SMOX: variants seen among roughly 807,000 people sequenced by gnomAD.
SMOX encodes the protein spermine oxidase, also known as flavin containing amine oxidase.
Under a neutral mutation model 51.0 loss-of-function variants are expected in SMOX, and 22 were observed. The observed-to-expected ratio is 0.43, with a 90% CI of 0.31 to 0.62. The LOEUF is 0.62. Among genes scored for constraint, SMOX ranks in the 20% least tolerant of loss-of-function variants. The probability of loss-of-function intolerance (pLI) is 0.10; values close to 1 mark genes in which losing one functional copy is unlikely to be tolerated. For synonymous variants in SMOX, 282 were observed against 307.8 expected, an observed-to-expected ratio of 0.92 and a Z score of 0.88; for missense variants, 566 against 777.7, an observed-to-expected ratio of 0.73 and a Z score of 3.24.
intron 1 of SMOX, among the ~76,000 whole-genome samples, chr20:4,152,602 A>C (rs1228337005): frequency 6.6e-6 from 1 of 152,060 alleles, no homozygotes; most frequent in South Asian, 2.1e-4. Context: ...TGGCATGCCT[A>C]GGAAAGACCT....
chr20:4,183,764 A>T lies in SMOX; in HGVS notation c.1530+110A>T. 7.8e-7 allele frequency: 1 copy of T among 1,283,506 alleles called. No individual in the cohort carries two copies. The highest frequency in any genetic ancestry group is 1.0e-6 in the Non-Finnish European group (1 of 975,310). 79.5% of individuals were successfully genotyped at this position (1,283,506 alleles called of 1,614,324 possible). A position where few individuals can be genotyped will look rare whatever the true frequency, so the allele number is the denominator to read the frequency against. On this transcript the variant is annotated intron_variant, in intron 6 of 6. Coordinates refer to ENST00000305958, the MANE Select transcript of SMOX (RefSeq NM_175839.3). The surrounding 1 kb of genome is among the most constrained non-coding windows in gnomAD (Gnocchi z 4.3). ...GTGTTCACTAAGGGGTGCTCAGGTG[A>T]GGCAGGGATGGAGTAGCTTCTGTAA... is the stretch of plus-strand genomic sequence containing the variant.
chr20:4,181,733 G>T lies in SMOX; in HGVS notation c.436-70G>T, dbSNP rs1447445302. 3 of 1,562,248 alleles carry T rather than the reference G, an allele frequency of 1.9e-6. No homozygotes were observed. Among genetic ancestry groups the T allele is most frequent in the African/African-American group, 1.4e-5 (1 of 73,868 alleles). On this transcript the variant is annotated intron_variant, in intron 3 of 6. Coordinates refer to ENST00000305958, the MANE Select transcript of SMOX (RefSeq NM_175839.3). The surrounding 1 kb of genome is among the most constrained non-coding windows in gnomAD (Gnocchi z 5.6). The stretch of plus-strand genomic sequence containing the variant: ...GGACACCTGGGAACTGGTGGGTTTG[G>T]GTTGGGGGCCTTCTGTTTGAGATGG...
intron 1 of SMOX, among the ~76,000 whole-genome samples, chr20:4,154,720 C>T (rs972862644): frequency 4.6e-5 from 7 of 152,096 alleles, no homozygotes; most frequent in Non-Finnish European, 1.0e-4. Context: ...CCATGGAGCA[C>T]GCTTTGTATA....
At chr20:4,159,321 AG>A (rs1211733184) in intron 1 of SMOX, among the ~76,000 whole-genome samples, 1 of 152,190 alleles carries the variant, frequency 6.6e-6, no homozygotes, top group Non-Finnish European at 1.5e-5. Flanking sequence ...TATGTTGGCC[AG>A]GCTGGTCTCA....
At chr20:4,178,466 T>C (rs756177987) in intron 3 of SMOX, among the ~76,000 whole-genome samples, 5 of 152,220 alleles carry the variant, frequency 3.3e-5, no homozygotes, top group Non-Finnish European at 5.9e-5. Flanking sequence ...TGGACAGAAG[T>C]GGCAATGGCA....
At position 4,170,545 on chromosome 20, in the gene SMOX, C is replaced by T. The variant is rs1269872455; in HGVS notation, c.-26-4485C>T. On this transcript the variant is annotated intron_variant, in intron 1 of 6. Transcript: ENST00000305958. This position sits in a 1 kb window ranked among gnomAD's most constrained non-coding sequence, Gnocchi z 4.6. ...ACCATGGTGCCATCTCAGCTCACTG[C>T]AACTAGAGCGTAAATTTCTGAGGGT... Among the ~76,000 whole-genome samples, 1 of 152,076 alleles carries T rather than the reference C, an allele frequency of 6.6e-6. No individual in the cohort carries two copies. The highest frequency in any genetic ancestry group is 2.4e-5 in the African/African-American group (1 of 41,404).
chr20:4,168,809 G>C (rs1986691485), intron 1 of SMOX, among the ~76,000 whole-genome samples: 1 of 151,792 alleles, frequency 6.6e-6, no homozygotes. Flanking sequence ...CGCCCGCCTC[G>C]GCCTCCCCAA....
At chr20:4,151,870 T>C (rs1245234624) in intron 1 of SMOX, among the ~76,000 whole-genome samples, 1 of 152,210 alleles carries the variant, frequency 6.6e-6, no homozygotes, top group Non-Finnish European at 1.5e-5. Flanking sequence ...CTGGAGCATC[T>C]AGCACAGTGC....
chr20:4,166,275 C>T lies in SMOX; in HGVS notation c.-26-8755C>T, dbSNP rs918835051. Among the ~76,000 whole-genome samples the T allele has an allele frequency of 1.3e-5, 2 of 152,130 alleles. No individual in the cohort carries two copies. The highest frequency in any genetic ancestry group is 1.3e-4 in the Admixed American group (2 of 15,278). On this transcript the variant is annotated intron_variant, in intron 1 of 6. Coordinates refer to ENST00000305958, the MANE Select transcript of SMOX (RefSeq NM_175839.3). The surrounding 1 kb of genome is among the most constrained non-coding windows in gnomAD (Gnocchi z 4.2). ...TGCAGTACCAAGCTCTGTTCTGGCC[C>T]ATCTCTACCTGTGTCTCTCTCTGAT...
chr20:4,177,429 A>G lies in SMOX; in HGVS notation c.287A>G (p.Asn96Ser), dbSNP rs779734758. The change falls in exon 3 of 7, where the codon AAC (asparagine) becomes AGC (serine). Residue 96 changes from asparagine to serine, a missense_variant. Asn to Ser is a conservative substitution (Grantham distance 46). Transcript: ENST00000305958. This position sits in a 1 kb window ranked among gnomAD's most constrained non-coding sequence, Gnocchi z 4.3. Reference protein sequence around the residue: ...GNPIYHLAEANGLLEETTDGE... With the variant: ...GNPIYHLAEASGLLEETTDGE... Reference sequence around the variant, plus strand: ...CCTATCTATCATCTAGCAGAAGCCAACGGCCTCCTGGAAGAGACAACCGAT... The same window carrying G: ...CCTATCTATCATCTAGCAGAAGCCAGCGGCCTCCTGGAAGAGACAACCGAT... The G allele has an allele frequency of 3.2e-6, 5 of 1,562,726 alleles. No homozygotes were observed. The highest frequency in any genetic ancestry group is 1.4e-5 in the African/African-American group (1 of 73,856).
In SMOX at chr20:4,177,720, G is replaced by T; in HGVS notation, c.435+143G>T. On this transcript the variant is annotated intron_variant, in intron 3 of 6. Transcript: ENST00000305958. This position sits in a 1 kb window ranked among gnomAD's most constrained non-coding sequence, Gnocchi z 4.3. Reference sequence around the variant, plus strand: ...GAGGGTAAAATGAAAATATTCAGTGGGATAGAACTGATTTTTATATATTGA... The same window carrying T: ...GAGGGTAAAATGAAAATATTCAGTGTGATAGAACTGATTTTTATATATTGA... 1 of 669,460 alleles carries T rather than the reference G, an allele frequency of 1.5e-6. No individual in the cohort carries two copies. The highest frequency in any genetic ancestry group is 2.5e-6 in the Non-Finnish European group (1 of 408,116). 41.5% of individuals were successfully genotyped at this position (669,460 alleles called of 1,614,324 possible). A position where few individuals can be genotyped will look rare whatever the true frequency, so the allele number is the denominator to read the frequency against.
At chr20:4,175,980 A>G (rs1489037240) in intron 2 of SMOX, 1 of 148,388 alleles carries the variant, frequency 6.7e-6, no homozygotes, top group Non-Finnish European at 1.5e-5. Flanking sequence ...GAGACCACAC[A>G]TGGCCTGGAA....
At chr20:4,150,980 C>T (rs965233376) in intron 1 of SMOX, among the ~76,000 whole-genome samples, 6 of 151,996 alleles carry the variant, frequency 3.9e-5, no homozygotes, top group African/African-American at 9.7e-5. Flanking sequence ...TACAGGCATG[C>T]GCCACCACGC....
chr20:4,181,286 CA>C lies in SMOX; in HGVS notation c.436-516del, dbSNP rs567327985. On this transcript the variant is annotated intron_variant, in intron 3 of 6. Transcript: ENST00000305958. The surrounding 1 kb of genome is among the most constrained non-coding windows in gnomAD (Gnocchi z 5.6). ...AGGGGGTGCTTTGTACGGAGCTGCACAGGCCCAGGGAGGTGTCTCCAGTCGT... is the reference window on the plus strand; with the variant it reads ...AGGGGGTGCTTTGTACGGAGCTGCACGGCCCAGGGAGGTGTCTCCAGTCGT... 5.9e-5 allele frequency among the ~76,000 whole-genome samples: 9 copies of C among 152,322 alleles called. No homozygotes were observed. The South Asian group carries it at 1.4e-3, about 25-fold the overall frequency.
rs540155719 is a variant in SMOX at position 4,181,364 on chromosome 20, C to A, written c.436-439C>A. On this transcript the variant is annotated intron_variant, in intron 3 of 6. Transcript: ENST00000305958. The surrounding 1 kb of genome is among the most constrained non-coding windows in gnomAD (Gnocchi z 5.6). ...CAGCTCCAGACTGCCCTCTTGGGAG[C>A]GGGCAAAGCAGACACACTTGGGCAG... Among the ~76,000 whole-genome samples the A allele has an allele frequency of 6.6e-6, 1 of 152,146 alleles. No homozygotes were observed. The highest frequency in any genetic ancestry group is 1.5e-5 in the Non-Finnish European group (1 of 68,026).
chr20:4,160,626 A>G (rs1231718279), intron 1 of SMOX, among the ~76,000 whole-genome samples: 1 of 152,232 alleles, frequency 6.6e-6, no homozygotes, highest in African/African-American at 2.4e-5. Context: ...TGTGAGGTTC[A>G]TCTGGTGACT....
rs1339448832 is a variant in SMOX, at chr20:4,172,392, C to A, written c.-26-2638C>A. Among the ~76,000 whole-genome samples the A allele has an allele frequency of 6.6e-6, 1 of 152,196 alleles. No individual in the cohort carries two copies. The highest frequency in any genetic ancestry group is 1.5e-5 in the Non-Finnish European group (1 of 68,028). On this transcript the variant is annotated intron_variant, in intron 1 of 6. Coordinates refer to ENST00000305958, the MANE Select transcript of SMOX (RefSeq NM_175839.3). This position sits in a 1 kb window ranked among gnomAD's most constrained non-coding sequence, Gnocchi z 7.7. ...CGCCGCTGACCCTCCCCGCCCGCCC[C>A]GTGCAGGCGGCCACATCCTCACCTC...
Position 4,177,658 on chromosome 20 carries a change from C to G in SMOX, c.435+81C>G. The G allele has an allele frequency of 7.8e-7, 1 of 1,287,516 alleles. No homozygotes were observed. The highest frequency in any genetic ancestry group is 1.1e-6 in the Non-Finnish European group (1 of 926,420). 79.8% of individuals were successfully genotyped at this position (1,287,516 alleles called of 1,614,324 possible). A position where few individuals can be genotyped will look rare whatever the true frequency, so the allele number is the denominator to read the frequency against. ...GTGATTCTGGTCGTGTCTCTGCACA[C>G]TCCCTGGGCCTTGCATTTGGAAAAC... is the stretch of plus-strand genomic sequence containing the variant. On this transcript the variant is annotated intron_variant, in intron 3 of 6. Coordinates refer to ENST00000305958, the MANE Select transcript of SMOX (RefSeq NM_175839.3). This position sits in a 1 kb window ranked among gnomAD's most constrained non-coding sequence, Gnocchi z 4.3.
At chr20:4,158,651 G>A (rs540936086) in intron 1 of SMOX, among the ~76,000 whole-genome samples, 16 of 152,230 alleles carry the variant, frequency 1.1e-4, no homozygotes, top group African/African-American at 3.4e-4. Flanking sequence ...AGACACATGG[G>A]TCCTGTCTTC....
Sources: allele counts gnomAD v4.1 joint callset (sites outside exome capture counted in the v4.1 genomes callset), GRCh38; gene constraint gnomAD v4.1.1; non-coding constraint Gnocchi (gnomAD v3.1); transcripts MANE v1.5; gene names NCBI Gene and HGNC (gene_info 2026-07-23, HGNC 2026-07-21).